The following GRM5 variants were observed in gnomAD, a reference collection of about 807,000 sequenced individuals.
The protein encoded by GRM5 is glutamate metabotropic receptor 5.
In GRM5, 19 loss-of-function variants were observed where a neutral mutation model predicts 83.1. The observed-to-expected ratio is 0.23, with a 90% CI of 0.16 to 0.34. GRM5 has a LOEUF of 0.34. Ranked by LOEUF, GRM5 falls within the 10% of genes least tolerant of loss-of-function variation. GRM5 has a pLI of 1.00. For missense variants in GRM5, 1,160 were observed against 1,588.3 expected (o/e 0.73, Z 4.58); for synonymous variants, 675 against 633.6 (o/e 1.07, Z -0.98).
intron 7 of GRM5, among the ~76,000 whole-genome samples, chr11:88,569,728 T>C (rs921577363): frequency 6.6e-6 from 1 of 152,226 alleles, no homozygotes; most frequent in African/African-American, 2.4e-5. Context: ...CTGAGAACCA[T>C]GGACCCCCCA....
intron 2 of GRM5, among the ~76,000 whole-genome samples, chr11:88,946,584 G>A (rs778132566): frequency 2.2e-4 from 33 of 152,010 alleles, no homozygotes; most frequent in Non-Finnish European, 3.8e-4. Context: ...AATATTGCAT[G>A]TTTTCACTTA....
At position 88,637,976 on chromosome 11, in the gene GRM5, T is replaced by TA. The variant is rs916429442; in HGVS notation, c.1147+15191dup. On this transcript the variant is annotated intron_variant, in intron 4 of 9. Transcript: ENST00000305447. Reference sequence around the variant, plus strand: ...TACACCATGGAATCCTACGCAGCCATAAAAAATGATTAGTTCATGTCCTTT... The same window carrying TA: ...TACACCATGGAATCCTACGCAGCCATAAAAAAATGATTAGTTCATGTCCTTT... Among the ~76,000 whole-genome samples the TA allele has an allele frequency of 4.6e-5, 7 of 151,876 alleles. No individual in the cohort carries two copies. In the East Asian group the frequency reaches 1.2e-3, roughly 25 times the overall value.
At chr11:88,612,905 C>A (rs994617590) in intron 4 of GRM5, 3 of 152,220 alleles carry the variant, frequency 2.0e-5, no homozygotes, top group African/African-American at 7.2e-5. Context: ...GCTGCCAAAG[C>A]AAGCACTCAA....
intron 2 of GRM5, among the ~76,000 whole-genome samples, chr11:88,896,653 C>A (rs1258809245): frequency 6.6e-6 from 1 of 151,816 alleles, no homozygotes; most frequent in African/African-American, 2.4e-5. Flanking sequence ...GATGTGAGTC[C>A]TAGTCTGAGA....
chr11:88,557,839 G>A (rs530527429), intron 8 of GRM5, among the ~76,000 whole-genome samples: 13 of 151,394 alleles, frequency 8.6e-5, no homozygotes, highest in African/African-American at 2.7e-4. Context: ...TGCCATGGTG[G>A]TTTGCTTCAC....
rs1269671016 is a variant in GRM5 at position 88,871,385 on chromosome 11, G to GAGAC, written c.662-21234_662-21231dup. On this transcript the variant is annotated intron_variant, in intron 2 of 9. Coordinates refer to ENST00000305447, the MANE Select transcript of GRM5 (RefSeq NM_001143831.3). ...AGAAAAGAGGTCACTGGAAATAGAG[G>GAGAC]AGACCTACATGCATCTAAGAAAGAT... is the stretch of plus-strand genomic sequence containing the variant. 9.2e-5 allele frequency among the ~76,000 whole-genome samples: 14 copies of GAGAC among 151,644 alleles called. No individual in the cohort carries two copies. In the Admixed American group the frequency reaches 9.2e-4, roughly 10 times the overall value.
intron 9 of GRM5, among the ~76,000 whole-genome samples, chr11:88,524,306 C>T (rs760772828): frequency 1.9e-4 from 28 of 149,052 alleles, no homozygotes; most frequent in Non-Finnish European, 3.5e-4. Flanking sequence ...CAACCTCTGC[C>T]TCCTGGGTTC....
intron 3 of GRM5, among the ~76,000 whole-genome samples, chr11:88,662,437 G>T (rs752138382): frequency 1.3e-5 from 2 of 152,122 alleles, no homozygotes; most frequent in African/African-American, 4.8e-5. Context: ...TATTGAAAAT[G>T]TGTAGGTAAG....
chr11:88,532,255 A>G (rs7938030), intron 8 of GRM5, among the ~76,000 whole-genome samples: 2,798 of 152,268 alleles, frequency 0.018, 78 homozygotes, highest in African/African-American at 0.063. Flanking sequence ...CATCCCATTT[A>G]CAAAGCAAAT....
At chr11:88,528,176 A>T (rs1941925393) in intron 8 of GRM5, among the ~76,000 whole-genome samples, 1 of 152,130 alleles carries the variant, frequency 6.6e-6, no homozygotes, top group South Asian at 2.1e-4. Flanking sequence ...AAAACAAAAT[A>T]ATGAAAATTC....
chr11:88,925,257 C>A (rs959142273), intron 2 of GRM5, among the ~76,000 whole-genome samples: 1 of 151,976 alleles, frequency 6.6e-6, no homozygotes, highest in Non-Finnish European at 1.5e-5. Context: ...TTTTAGTGCC[C>A]AAGAAAAGAG....
At chr11:88,616,574 T>G (rs1938492611) in intron 4 of GRM5, among the ~76,000 whole-genome samples, 1 of 151,986 alleles carries the variant, frequency 6.6e-6, no homozygotes, top group Non-Finnish European at 1.5e-5. Context: ...GAATATATTT[T>G]GAAAGCATAG....
chr11:88,655,269 G>A (rs1456231703), intron 3 of GRM5, among the ~76,000 whole-genome samples: 1 of 151,962 alleles, frequency 6.6e-6, no homozygotes, highest in Non-Finnish European at 1.5e-5. Flanking sequence ...AATGAAGTGG[G>A]CTTGTTTGCC....
rs887699941 is a variant in GRM5 at position 88,787,286 on chromosome 11, G to A, written c.911+62620C>T. Among the ~76,000 whole-genome samples the A allele has an allele frequency of 2.6e-5, 4 of 151,814 alleles. No homozygotes were observed. The East Asian group carries it at 5.8e-4, about 22-fold the overall frequency. On this transcript the variant is annotated intron_variant, in intron 3 of 9. Transcript: ENST00000305447. The stretch of plus-strand genomic sequence containing the variant: ...TGAGCAGAGGTCAGTACTATTCAAA[G>A]CAGAGGATGGAGTAACTGTTAAAAA...
intron 2 of GRM5, among the ~76,000 whole-genome samples, chr11:88,968,733 CTAAT>C (rs1353341543): frequency 6.6e-6 from 1 of 151,698 alleles, no homozygotes; most frequent in East Asian, 1.9e-4. Flanking sequence ...TAACAATGTT[CTAAT>C]ATTAGACAGT....
intron 4 of GRM5, among the ~76,000 whole-genome samples, chr11:88,608,461 T>C (rs1938220922): frequency 6.6e-6 from 1 of 152,052 alleles, no homozygotes; most frequent in African/African-American, 2.4e-5. Context: ...TTATCTTGCT[T>C]ATTGGCTGTC....
rs569084933 is a variant in GRM5 at position 88,566,621 on chromosome 11, T to G, written c.2630+432A>C. Among the ~76,000 whole-genome samples the G allele has an allele frequency of 3.3e-5, 5 of 152,324 alleles. No homozygotes were observed. In the South Asian group the frequency reaches 1.0e-3, roughly 32 times the overall value. ...TGAATAAGGTTTAGGCACGTACAAG[T>G]GCAGTCTGATGTGTCGAGTTCTTGG... On this transcript the variant is annotated intron_variant, in intron 8 of 9. Coordinates refer to ENST00000305447, the MANE Select transcript of GRM5 (RefSeq NM_001143831.3).
chr11:88,981,970 T>C (rs987264167), intron 2 of GRM5, among the ~76,000 whole-genome samples: 1 of 152,232 alleles, frequency 6.6e-6, no homozygotes, highest in Non-Finnish European at 1.5e-5. Flanking sequence ...TTTGTATTCC[T>C]ACAATGCAAG....
intron 2 of GRM5, among the ~76,000 whole-genome samples, chr11:89,032,895 G>T (rs1941295221): frequency 6.6e-6 from 1 of 151,966 alleles, no homozygotes; most frequent in African/African-American, 2.4e-5. Flanking sequence ...TACTGATGGA[G>T]CATAAATATG....
Sources: gnomAD v4.1 joint callset for allele counts (sites outside exome capture counted in the v4.1 genomes callset) on GRCh38, gnomAD v4.1.1 for gene constraint, MANE v1.5 for transcripts, NCBI Gene and HGNC (gene_info 2026-07-23, HGNC 2026-07-21) for gene names.